ROBO2: variants seen among roughly 807,000 people sequenced by gnomAD.
The protein encoded by ROBO2 is roundabout guidance receptor 2, also known as roundabout homolog 2.
Under a neutral mutation model 160.8 loss-of-function variants are expected in ROBO2, and 53 were observed. The observed-to-expected ratio is 0.33, with a 90% CI of 0.26 to 0.41. The LOEUF (loss-of-function observed/expected upper bound fraction) is 0.41. Among genes scored for constraint, ROBO2 ranks in the 10% least tolerant of loss-of-function variants. The pLI, the probability that ROBO2 is intolerant of heterozygous loss-of-function variation, is 1.00. For synonymous variants in ROBO2, 664 were observed against 611.7 expected (o/e 1.09, Z -1.26); for missense variants, 1,577 against 1,722.4 (o/e 0.92, Z 1.49).
intron 21 of ROBO2, 144 bp downstream of exon 22, chr3:77,608,098 T>C (rs946591903): frequency 5.3e-6 from 4 of 757,808 alleles, no homozygotes; most frequent in Non-Finnish European, 9.1e-6. Flanking sequence ...TTTCATTGTT[T>C]GCACTGTCTA....
At chr3:76,517,617 A>G (rs1375142002) in intron 2 of ROBO2, among the ~76,000 whole-genome samples, 2 of 152,232 alleles carry the variant, frequency 1.3e-5, no homozygotes, top group Non-Finnish European at 2.9e-5. Context: ...TGTTATATCA[A>G]TTAACCCATT....
chr3:77,649,376 C>T (rs1267920261), exon 26 of ROBO2: 1 of 152,082 alleles, frequency 6.6e-6, no homozygotes, highest in East Asian at 1.9e-4. Context: ...ATTCAATAAA[C>T]TTATGTAATT....
chr3:76,504,827 C>T (rs1485718818), intron 2 of ROBO2, among the ~76,000 whole-genome samples: 2 of 151,996 alleles, frequency 1.3e-5, no homozygotes, highest in African/African-American at 2.4e-5. Context: ...CGCACCCAGC[C>T]GAAAATATTC....
At chr3:75,996,830 T>C (rs2065742279) in intron 2 of ROBO2, among the ~76,000 whole-genome samples, 2 of 151,272 alleles carry the variant, frequency 1.3e-5, no homozygotes, top group Admixed American at 1.3e-4. Flanking sequence ...TATTTGTAAA[T>C]CATCTATTCT....
chr3:76,436,384 T>G (rs895014773), intron 2 of ROBO2, among the ~76,000 whole-genome samples: 5 of 152,100 alleles, frequency 3.3e-5, no homozygotes, highest in African/African-American at 1.2e-4. Context: ...TGCCTCCTTT[T>G]CCCTGTCATG....
intron 1 of ROBO2, among the ~76,000 whole-genome samples, chr3:77,043,262 A>G (rs1379209607): frequency 6.6e-6 from 1 of 152,174 alleles, no homozygotes; most frequent in Non-Finnish European, 1.5e-5. Context: ...CTTATACTCC[A>G]CATGAATTTC....
intron 2 of ROBO2, among the ~76,000 whole-genome samples, chr3:76,664,013 G>T (rs1481749875): frequency 6.6e-6 from 1 of 152,128 alleles, no homozygotes; most frequent in African/African-American, 2.4e-5. Flanking sequence ...TAAAAAGGGA[G>T]AGTTGGGCCA....
chr3:77,639,502 G>T (rs919680503), intron 24 of ROBO2, among the ~76,000 whole-genome samples: 1 of 152,156 alleles, frequency 6.6e-6, no homozygotes, highest in Non-Finnish European at 1.5e-5. Context: ...TTTCAGAAAA[G>T]ACTGGAATAA....
intron 2 of ROBO2, among the ~76,000 whole-genome samples, chr3:76,032,394 G>T (rs1235899744): frequency 1.3e-5 from 2 of 151,972 alleles, no homozygotes; most frequent in Admixed American, 1.3e-4. Flanking sequence ...CCTGCCTTCT[G>T]CTAGCTTTTG....
intron 2 of ROBO2, among the ~76,000 whole-genome samples, chr3:77,219,406 G>C (rs2151179618): frequency 7.0e-6 from 1 of 142,878 alleles, no homozygotes; most frequent in South Asian, 2.3e-4. Flanking sequence ...AATTTTGAGA[G>C]AATCATCTTG....
intron 2 of ROBO2, among the ~76,000 whole-genome samples, chr3:76,691,520 G>A (rs528923463): frequency 1.9e-4 from 29 of 152,064 alleles, no homozygotes; most frequent in Admixed American, 3.3e-4. Context: ...ATTAATGAGC[G>A]GAAAAAAATG....
chr3:76,293,112 A>G (rs111997540), intron 2 of ROBO2, among the ~76,000 whole-genome samples: 3,404 of 152,274 alleles, frequency 0.022, 68 homozygotes, highest in Non-Finnish European at 0.032. Context: ...GTCATCAGAG[A>G]AAAGGAATTT....
chr3:76,070,472 T>C (rs1366737026), intron 2 of ROBO2, among the ~76,000 whole-genome samples: 1 of 152,200 alleles, frequency 6.6e-6, no homozygotes, highest in Non-Finnish European at 1.5e-5. Context: ...TCTCAAAACC[T>C]GTCTTCTGAT....
chr3:76,292,177 C>A (rs186543363), intron 2 of ROBO2, among the ~76,000 whole-genome samples: 128 of 152,234 alleles, frequency 8.4e-4, no homozygotes, highest in African/African-American at 3.1e-3. Flanking sequence ...GTCCACAGCT[C>A]TCTGCAAAGC....
At chr3:76,957,139 TTTTG>T (rs566340930) in intron 2 of ROBO2, among the ~76,000 whole-genome samples, 27 of 152,106 alleles carry the variant, frequency 1.8e-4, no homozygotes, top group Non-Finnish European at 2.9e-4. Flanking sequence ...GCTGTGTTCT[TTTTG>T]TTTGTTTCTA....
intron 2 of ROBO2, among the ~76,000 whole-genome samples, chr3:76,500,588 G>A (rs559721784): frequency 2.4e-4 from 37 of 152,288 alleles, no homozygotes; most frequent in African/African-American, 6.7e-4. Context: ...TGCAGACAAA[G>A]GAGAAGGGGG....
intron 2 of ROBO2, among the ~76,000 whole-genome samples, chr3:77,334,900 G>A (rs9868588): frequency 0.57 from 86,204 of 151,350 alleles, 26,484 homozygotes; most frequent in Non-Finnish European, 0.7. Flanking sequence ...ATTATCTATT[G>A]TAAGGTTATC....
At chr3:75,930,023 T>G (rs1358956406) in intron 1 of ROBO2, among the ~76,000 whole-genome samples, 3 of 152,208 alleles carry the variant, frequency 2.0e-5, no homozygotes, top group East Asian at 3.9e-4. Flanking sequence ...GCTTTAGATC[T>G]TTTGCTCAAT....
At chr3:76,327,247 T>C (rs1305160995) in intron 2 of ROBO2, among the ~76,000 whole-genome samples, 5 of 152,130 alleles carry the variant, frequency 3.3e-5, no homozygotes, top group African/African-American at 1.2e-4. Context: ...ATATAAAATA[T>C]AGTATAACCT....
Sources: gnomAD v4.1 joint callset for allele counts (sites outside exome capture counted in the v4.1 genomes callset) on GRCh38, gnomAD v4.1.1 for gene constraint, MANE v1.5 for transcripts, NCBI Gene and HGNC (gene_info 2026-07-23, HGNC 2026-07-21) for gene names.